The following SLIT2 variants were observed in gnomAD, a reference collection of about 807,000 sequenced individuals.
SLIT2 encodes slit homolog 2 protein.
In SLIT2, 41 loss-of-function variants were observed where a neutral mutation model predicts 185.7. The ratio of observed to expected loss-of-function variants is 0.22; its 90% confidence interval spans 0.17 to 0.29. The LOEUF (loss-of-function observed/expected upper bound fraction) is 0.29. Among genes scored for constraint, SLIT2 ranks in the 10% least tolerant of loss-of-function variants. The pLI is 1.00. For missense variants in SLIT2, 1,571 were observed against 1,909.0 expected (o/e 0.82, Z 3.30); for synonymous variants, 693 against 680.2 (o/e 1.02, Z -0.29).
At chr4:20,344,645 T>A (rs1721234698) in intron 4 of SLIT2, among the ~76,000 whole-genome samples, 1 of 152,164 alleles carries the variant, frequency 6.6e-6, no homozygotes, top group South Asian at 2.1e-4. Context: ...CCTTTTTCTG[T>A]CTCCCTCATT....
chr4:20,572,533 G>A lies in SLIT2; in HGVS notation c.3088+3529G>A, dbSNP rs548938777. Among the ~76,000 whole-genome samples, 256 of 152,024 alleles carry A rather than the reference G, an allele frequency of 1.7e-3. 1 individual carries two copies. The highest frequency in any genetic ancestry group is 3.2e-3 in the Non-Finnish European group (218 of 67,978). ...CATTTCTTGGAGCTAAATTTCCAAG[G>A]AATTCCTGAAATAACATAAACCTAA... is the stretch of plus-strand genomic sequence containing the variant. On this transcript the variant is annotated intron_variant, in intron 29 of 36. Transcript: ENST00000504154.
At chr4:20,542,143 C>G (rs916327713) in intron 20 of SLIT2, among the ~76,000 whole-genome samples, 7 of 152,002 alleles carry the variant, frequency 4.6e-5, no homozygotes, top group African/African-American at 1.4e-4. Context: ...TAATATATTC[C>G]CTTATGTCTC....
chr4:20,442,550 G>C (rs1182163355), intron 4 of SLIT2, among the ~76,000 whole-genome samples: 2 of 151,362 alleles, frequency 1.3e-5, no homozygotes, highest in Non-Finnish European at 2.9e-5. Flanking sequence ...AAAAGGGGGG[G>C]GAGGGACCGA....
intron 4 of SLIT2, among the ~76,000 whole-genome samples, chr4:20,400,133 A>G (rs1240764051): frequency 6.6e-6 from 1 of 151,718 alleles, no homozygotes. Flanking sequence ...CTTTTAATGG[A>G]GGGGGACTTT....
intron 21 of SLIT2, among the ~76,000 whole-genome samples, chr4:20,545,164 G>C (rs1358515317): frequency 6.6e-6 from 1 of 151,904 alleles, no homozygotes; most frequent in African/African-American, 2.4e-5. Flanking sequence ...CACAACATTG[G>C]GGTAGGAACG....
intron 19 of SLIT2, among the ~76,000 whole-genome samples, 173 bp from the exon 20 acceptor site, chr4:20,541,280 A>T (rs2292440): frequency 0.29 from 43,354 of 152,084 alleles, 6,501 homozygotes; most frequent in Middle Eastern, 0.41. Context: ...TTTATCAAAA[A>T]AAAAATGCAT....
intron 4 of SLIT2, among the ~76,000 whole-genome samples, chr4:20,387,977 CA>C (rs1006313010): frequency 4.0e-5 from 6 of 150,274 alleles, no homozygotes; most frequent in Non-Finnish European, 7.4e-5. Context: ...AACTAAAAAA[CA>C]AAAAAACACG....
intron 4 of SLIT2, among the ~76,000 whole-genome samples, chr4:20,298,317 G>A (rs1716699023): frequency 2.0e-5 from 3 of 151,976 alleles, no homozygotes; most frequent in Non-Finnish European, 2.9e-5. Flanking sequence ...TTGAACTCCC[G>A]ACCTCAGGTG....
chr4:20,460,565 C>T (rs1251365305), intron 4 of SLIT2, among the ~76,000 whole-genome samples: 1 of 152,148 alleles, frequency 6.6e-6, no homozygotes, highest in Non-Finnish European at 1.5e-5. Flanking sequence ...CAATAGATCT[C>T]TGGAACTTAT....
chr4:20,314,234 G>A (rs1353615243), intron 4 of SLIT2, among the ~76,000 whole-genome samples: 1 of 152,022 alleles, frequency 6.6e-6, no homozygotes, highest in Admixed American at 6.5e-5. Flanking sequence ...TTTCTTATCT[G>A]TGAAATATAA....
At chr4:20,303,931 A>G (rs1260279856) in intron 4 of SLIT2, among the ~76,000 whole-genome samples, 4 of 152,236 alleles carry the variant, frequency 2.6e-5, no homozygotes, top group Admixed American at 2.0e-4. Context: ...TCTATGCCAC[A>G]CTACATGAGG....
In SLIT2 at chr4:20,539,583, C is replaced by T. The variant is rs745398052; in HGVS notation, c.1975C>T (p.Leu659=). Residue 659 remains leucine, a splice_region_variant and synonymous_variant, in exon 19 of 37, where the codon CTA becomes TTA. Coordinates refer to ENST00000504154, the MANE Select transcript of SLIT2 (RefSeq NM_004787.4). ...TGATACTCTCCATTCTTTATCTACTCTGTAAGTATGAAAAATAGCCCTTAT... is the reference window on the plus strand; with the variant it reads ...TGATACTCTCCATTCTTTATCTACTTTGTAAGTATGAAAAATAGCCCTTAT... ...AFDTLHSLST[L]NLLANPFNCN... is the part of the protein sequence containing the mutation. 4.4e-6 allele frequency: 7 copies of T among 1,601,162 alleles called. No homozygotes were observed. The South Asian group carries it at 5.6e-5, about 13-fold the overall frequency.
intron 16 of SLIT2, among the ~76,000 whole-genome samples, chr4:20,529,677 A>C (rs185697028): frequency 6.6e-6 from 1 of 152,344 alleles, no homozygotes; most frequent in East Asian, 1.9e-4. Flanking sequence ...AGGACCTTGC[A>C]CATACTAAGT....
At chr4:20,307,141 TC>T in intron 4 of SLIT2, among the ~76,000 whole-genome samples, 1 of 22,034 alleles carries the variant, frequency 4.5e-5, no homozygotes, top group Admixed American at 7.5e-4. Context: ...CCTTCCTCCC[TC>T]CCTCCCTCCC....
At chr4:20,380,478 G>A (rs1242765529) in intron 4 of SLIT2, among the ~76,000 whole-genome samples, 1 of 152,020 alleles carries the variant, frequency 6.6e-6, no homozygotes, top group Admixed American at 6.6e-5. Context: ...AGATAGCACT[G>A]AATAGAAGAA....
At chr4:20,338,406 T>C (rs893648819) in intron 4 of SLIT2, among the ~76,000 whole-genome samples, 3 of 152,204 alleles carry the variant, frequency 2.0e-5, no homozygotes, top group Admixed American at 1.3e-4. Context: ...CCCTAAAAGA[T>C]TCAGAAAATG....
chr4:20,481,510 A>G (rs1198831247), intron 6 of SLIT2, among the ~76,000 whole-genome samples: 1 of 152,166 alleles, frequency 6.6e-6, no homozygotes, highest in Non-Finnish European at 1.5e-5. Context: ...GCCAAAATTC[A>G]CATTTGTAGG....
At chr4:20,476,067 A>T (rs1716074617) in intron 5 of SLIT2, among the ~76,000 whole-genome samples, 1 of 152,160 alleles carries the variant, frequency 6.6e-6, no homozygotes, top group South Asian at 2.1e-4. Context: ...ATGTGCTTTT[A>T]TGCAGAGGTA....
intron 4 of SLIT2, chr4:20,393,656 C>A (rs1242366477): frequency 6.6e-6 from 1 of 152,024 alleles, no homozygotes; most frequent in Non-Finnish European, 1.5e-5. Flanking sequence ...CATGACTAAG[C>A]CCTGTAAGTT....
Sources: allele counts gnomAD v4.1 joint callset (sites outside exome capture counted in the v4.1 genomes callset), GRCh38; gene constraint gnomAD v4.1.1; transcripts MANE v1.5; gene names NCBI Gene and HGNC (gene_info 2026-07-23, HGNC 2026-07-21).